The following FAM110B variants were observed in gnomAD, a reference collection of about 807,000 sequenced individuals.
FAM110B encodes the protein family with sequence similarity 110 member B.
A neutral mutation model predicts 20.4 loss-of-function variants in FAM110B; 6 were observed. The observed-to-expected ratio is 0.29, with a 90% CI of 0.16 to 0.58. FAM110B has a LOEUF of 0.58. Among genes scored for constraint, FAM110B ranks in the 20% least tolerant of loss-of-function variants. FAM110B has a pLI of 0.90. For missense variants in FAM110B, 434 were observed against 498.2 expected, an observed-to-expected ratio of 0.87 and a Z score of 1.23; for synonymous variants, 226 against 214.1, an observed-to-expected ratio of 1.06 and a Z score of -0.49.
At chr8:58,140,304 C>G (rs1260699138) in intron 3 of FAM110B, among the ~76,000 whole-genome samples, 1 of 152,148 alleles carries the variant, frequency 6.6e-6, no homozygotes, top group Non-Finnish European at 1.5e-5. Context: ...TAAAGCCACC[C>G]TCCTGCTAAG....
intron 3 of FAM110B, among the ~76,000 whole-genome samples, chr8:58,112,656 C>T (rs1162279376): frequency 6.6e-6 from 1 of 152,336 alleles, no homozygotes; most frequent in South Asian, 2.1e-4. Flanking sequence ...TATAGCTTGG[C>T]CCTGTCTGGT....
intron 1 of FAM110B, 176 bp from the exon 2 acceptor site, chr8:58,031,430 T>G (rs1490982302): frequency 6.6e-6 from 1 of 152,246 alleles, no homozygotes; most frequent in African/African-American, 2.4e-5. Context: ...TTGTTTCCTT[T>G]TGGAATCAGT....
chr8:58,051,773 A>C (rs887595662), intron 2 of FAM110B, among the ~76,000 whole-genome samples: 8 of 152,156 alleles, frequency 5.3e-5, no homozygotes, highest in Non-Finnish European at 1.2e-4. Flanking sequence ...ATCACCTAAA[A>C]TAAGTTGTTA....
At chr8:58,092,848 T>C (rs1256334530) in intron 3 of FAM110B, among the ~76,000 whole-genome samples, 1 of 152,216 alleles carries the variant, frequency 6.6e-6, no homozygotes, top group Non-Finnish European at 1.5e-5. Context: ...GTTGAACTAA[T>C]TTACACTCCC....
intron 1 of FAM110B, among the ~76,000 whole-genome samples, chr8:58,027,587 G>A (rs969869758): frequency 2.0e-5 from 3 of 152,128 alleles, no homozygotes; most frequent in African/African-American, 4.8e-5. Context: ...TCTGTCGGGC[G>A]TCTTTGCAGT....
At chr8:58,006,996 G>A (rs572221008) in intron 1 of FAM110B, among the ~76,000 whole-genome samples, 14 of 149,250 alleles carry the variant, frequency 9.4e-5, no homozygotes, top group African/African-American at 2.2e-4. Context: ...CACTGACACC[G>A]CTGCCATTTC....
At chr8:58,004,392 C>T (rs1804360421) in intron 1 of FAM110B, among the ~76,000 whole-genome samples, 1 of 152,252 alleles carries the variant, frequency 6.6e-6, no homozygotes, top group African/African-American at 2.4e-5. Context: ...GCAGCTTCTA[C>T]ATCAGCACTT....
chr8:58,022,192 C>T (rs1337250859), intron 1 of FAM110B, among the ~76,000 whole-genome samples: 1 of 152,220 alleles, frequency 6.6e-6, no homozygotes, highest in Non-Finnish European at 1.5e-5. Flanking sequence ...ATTCTGAAAG[C>T]TAAATGTCCC....
chr8:58,003,501 G>A (rs1355584969), intron 1 of FAM110B, among the ~76,000 whole-genome samples: 1 of 152,182 alleles, frequency 6.6e-6, no homozygotes, highest in African/African-American at 2.4e-5. Context: ...ATCTATGGCA[G>A]CTATAGCCTT....
intron 3 of FAM110B, among the ~76,000 whole-genome samples, chr8:58,076,213 C>T (rs948672672): frequency 1.3e-5 from 2 of 152,156 alleles, no homozygotes; most frequent in African/African-American, 4.8e-5. Flanking sequence ...TTCCACCTCG[C>T]CGTTGCAAAG....
intron 3 of FAM110B, among the ~76,000 whole-genome samples, chr8:58,117,888 T>C (rs1327314913): frequency 6.6e-6 from 1 of 152,238 alleles, no homozygotes; most frequent in Admixed American, 6.5e-5. Flanking sequence ...TAGTTCTCTG[T>C]TAAACTCTTT....
chr8:58,119,160 C>G (rs975529933), intron 3 of FAM110B, among the ~76,000 whole-genome samples: 1 of 152,204 alleles, frequency 6.6e-6, no homozygotes, highest in Non-Finnish European at 1.5e-5. Flanking sequence ...CCCTTTTCTC[C>G]CCTCATAACT....
chr8:58,057,249 G>T (rs1805564675), intron 2 of FAM110B, among the ~76,000 whole-genome samples: 1 of 152,150 alleles, frequency 6.6e-6, no homozygotes, highest in African/African-American at 2.4e-5. Flanking sequence ...TCTCCAGGGT[G>T]ACCTGGCTGG....
intron 2 of FAM110B, among the ~76,000 whole-genome samples, chr8:58,051,317 CA>C (rs1805436492): frequency 6.6e-6 from 1 of 152,164 alleles, no homozygotes. Flanking sequence ...CTGTTTTGAG[CA>C]GATTAACCTT....
chr8:57,998,709 G>A (rs990451654), intron 1 of FAM110B, among the ~76,000 whole-genome samples: 1 of 152,194 alleles, frequency 6.6e-6, no homozygotes, highest in African/African-American at 2.4e-5. Flanking sequence ...TTGCATGAAA[G>A]ATTTTGGGGA....
chr8:58,090,995 C>T (rs891082297), intron 3 of FAM110B, among the ~76,000 whole-genome samples: 2 of 152,310 alleles, frequency 1.3e-5, no homozygotes, highest in African/African-American at 4.8e-5. Flanking sequence ...TTGGATTTCT[C>T]ACTGAATCCT....
intron 1 of FAM110B, among the ~76,000 whole-genome samples, chr8:58,030,294 A>C (rs1020745624): frequency 1.3e-5 from 2 of 152,188 alleles, no homozygotes; most frequent in African/African-American, 4.8e-5. Context: ...TTAATCTAAT[A>C]CTAATTTACT....
chr8:58,064,970 T>G (rs1294120630), intron 2 of FAM110B, among the ~76,000 whole-genome samples: 1 of 152,204 alleles, frequency 6.6e-6, no homozygotes, highest in Admixed American at 6.5e-5. Flanking sequence ...TCCTTTAGCC[T>G]CTACTAATTT....
At chr8:58,126,022 C>T (rs1807494059) in intron 3 of FAM110B, among the ~76,000 whole-genome samples, 2 of 152,238 alleles carry the variant, frequency 1.3e-5, no homozygotes, top group South Asian at 2.1e-4. Flanking sequence ...CCACCACAAT[C>T]AAGATCCTAT....
Sources: gnomAD v4.1 joint callset for allele counts (sites outside exome capture counted in the v4.1 genomes callset) on GRCh38, gnomAD v4.1.1 for gene constraint, MANE v1.5 for transcripts, NCBI Gene and HGNC (gene_info 2026-07-23, HGNC 2026-07-21) for gene names.